The following UPF3A variants were observed in gnomAD, a reference collection of about 807,000 sequenced individuals.
UPF3A encodes the protein UPF3A regulator of nonsense mediated mRNA decay.
Under a neutral mutation model 53.5 loss-of-function variants are expected in UPF3A, and 42 were observed. The ratio of observed to expected loss-of-function variants is 0.78; its 90% CI spans 0.61 to 1.01. The LOEUF (loss-of-function observed/expected upper bound fraction) is 1.01, where lower values mean the gene tolerates loss of function less well. Among genes scored for constraint, UPF3A ranks in the 50% least tolerant of loss-of-function variants. UPF3A has a pLI of 0.00. For missense variants in UPF3A, 575 were observed against 598.0 expected, an observed-to-expected ratio of 0.96 and a Z score of 0.40; for synonymous variants, 237 against 225.3, an observed-to-expected ratio of 1.05 and a Z score of -0.47.
chr13:114,294,192 A>T (rs780749519), intron 7 of UPF3A, among the ~76,000 whole-genome samples: 1 of 152,090 alleles, frequency 6.6e-6, no homozygotes, highest in Admixed American at 6.5e-5. Context: ...TCTGTGGAGA[A>T]ATGCAAAAGA....
intron 7 of UPF3A, among the ~76,000 whole-genome samples, chr13:114,295,055 T>C (rs1440885665): frequency 2.1e-5 from 3 of 144,598 alleles, no homozygotes; most frequent in Non-Finnish European, 4.5e-5. Context: ...GAGCTTGCAG[T>C]GAGCCAAGAT....
chr13:114,300,632 T>C (rs1484001601), intron 8 of UPF3A, among the ~76,000 whole-genome samples: 1 of 152,038 alleles, frequency 6.6e-6, no homozygotes, highest in Non-Finnish European at 1.5e-5. Flanking sequence ...CTCTGCCTCC[T>C]GGGTTCGTGC....
intron 9 of UPF3A, among the ~76,000 whole-genome samples, chr13:114,302,946 A>G (rs994354297): frequency 1.3e-5 from 2 of 152,186 alleles, no homozygotes; most frequent in African/African-American, 4.8e-5. Context: ...TACTAAAAAT[A>G]CAAAAAATAG....
Position 114,282,922 on chromosome 13 carries a change from T to C in UPF3A, c.400T>C (p.Tyr134His), listed in dbSNP as rs764011129. ...ILLFRDRFDG[Y>H]IFLDSKGLEY... ...TCTTTTTAGAGATCGTTTTGATGGA[T>C]ATATCTTCCTTGACAGCAAAGGTTG... is the stretch of plus-strand genomic sequence containing the variant. The change falls in exon 3 of 10, where the codon TAT becomes CAT. Residue 134 changes from tyrosine (Y) to histidine (H), a missense_variant. Transcript: ENST00000375299. The C allele has an allele frequency of 6.2e-6, 10 of 1,609,478 alleles. No individual in the cohort carries two copies. Among genetic ancestry groups the C allele is most frequent in the Non-Finnish European group, 7.6e-6 (9 of 1,176,678 alleles).
At chr13:114,300,357 T>G (rs779228394) in intron 8 of UPF3A, among the ~76,000 whole-genome samples, 4 of 152,094 alleles carry the variant, frequency 2.6e-5, no homozygotes, top group Non-Finnish European at 5.9e-5. Flanking sequence ...TTTATTTTGT[T>G]TTATTATTTT....
In UPF3A at chr13:114,296,030, C is replaced by T. The variant is rs114341759; in HGVS notation, c.847-2810C>T. On this transcript the variant is annotated intron_variant, in intron 7 of 9. Transcript: ENST00000375299. ...GGCAGAGGGCCTAGAGAGAGGTCACCGGTGGCCAGTGACTTAATCAGTCAC... is the reference window on the plus strand; with the variant it reads ...GGCAGAGGGCCTAGAGAGAGGTCACTGGTGGCCAGTGACTTAATCAGTCAC... 9.6e-3 allele frequency among the ~76,000 whole-genome samples: 1,465 copies of T among 152,232 alleles called. 22 individuals are homozygous for T. The highest frequency in any genetic ancestry group is 0.033 in the African/African-American group (1,388 of 41,538).
At chr13:114,281,992 C>G (rs776358815) in intron 1 of UPF3A, 29 bp from the exon 2 acceptor site, 9 of 1,534,188 alleles carry the variant, frequency 5.9e-6, no homozygotes, top group South Asian at 2.4e-5. Context: ...CGCTCCGCCC[C>G]GGTGGGAACG....
intron 7 of UPF3A, among the ~76,000 whole-genome samples, chr13:114,293,724 A>G (rs569337104): frequency 9.2e-5 from 14 of 152,300 alleles, no homozygotes; most frequent in African/African-American, 2.9e-4. Flanking sequence ...CAATATGAGG[A>G]AAAAAATGAA....
intron 7 of UPF3A, among the ~76,000 whole-genome samples, chr13:114,297,897 A>G (rs944803993): frequency 1.3e-5 from 2 of 152,236 alleles, no homozygotes; most frequent in African/African-American, 4.8e-5. Context: ...AGTCCTGGCT[A>G]TTCAGGAGGC....
At chr13:114,298,021 A>G (rs1170380171) in intron 7 of UPF3A, among the ~76,000 whole-genome samples, 1 of 151,438 alleles carries the variant, frequency 6.6e-6, no homozygotes, top group Non-Finnish European at 1.5e-5. Context: ...AAAGGAAATA[A>G]TCACTATTAA....
chr13:114,291,399 T>C (rs1194701744), intron 5 of UPF3A, 90 bp from the exon 6 acceptor site: 21 of 1,234,084 alleles, frequency 1.7e-5, no homozygotes, highest in Non-Finnish European at 2.2e-5. Flanking sequence ...ATGGTTCCCG[T>C]ATTTATTTTA....
At chr13:114,302,523 G>A (rs533843424) in intron 9 of UPF3A, among the ~76,000 whole-genome samples, 9 of 151,976 alleles carry the variant, frequency 5.9e-5, no homozygotes, top group African/African-American at 2.2e-4. Context: ...TTTTCCCAGC[G>A]CAGCACTACA....
chr13:114,300,476 A>G (rs981214798), intron 8 of UPF3A, among the ~76,000 whole-genome samples: 4 of 151,920 alleles, frequency 2.6e-5, no homozygotes, highest in African/African-American at 9.7e-5. Context: ...GGTTTAAGCA[A>G]TTCTGCTTCA....
chr13:114,286,682 G>T, intron 5 of UPF3A, 53 bp downstream of exon 5: 1 of 1,426,060 alleles, frequency 7.0e-7, no homozygotes, highest in East Asian at 2.3e-5. Context: ...TACTCGTAGA[G>T]GATATACGTT....
intron 3 of UPF3A, chr13:114,284,106 G>A: frequency 4.1e-6 from 4 of 983,844 alleles, no homozygotes; most frequent in Non-Finnish European, 4.8e-6. Flanking sequence ...GCTCACACCT[G>A]TAATCCCAGC....
In UPF3A at chr13:114,286,409, T is replaced by G; in HGVS notation, c.520+9T>G. The G allele has an allele frequency of 6.2e-7, 1 of 1,613,844 alleles. No homozygotes were observed. On this transcript the variant is annotated intron_variant, in intron 4 of 9. Coordinates refer to ENST00000375299, the MANE Select transcript of UPF3A (RefSeq NM_023011.4). ...TGGAAGCATCGAAGATGGTGAGCCCTTTCCAAGTGCTACGTTATGAAGCTG... is the reference window on the plus strand; with the variant it reads ...TGGAAGCATCGAAGATGGTGAGCCCGTTCCAAGTGCTACGTTATGAAGCTG...
chr13:114,286,097 G>C lies in UPF3A; in HGVS notation c.422-205G>C, dbSNP rs552268340. On this transcript the variant is annotated intron_variant, in intron 3 of 9. Transcript: ENST00000375299. Reference sequence around the variant, plus strand: ...TTAAGTCTGGAGTTTGCCGTGTTAAGGTTGCAGGTGCTTGAAAGTGTAATA... The same window carrying C: ...TTAAGTCTGGAGTTTGCCGTGTTAACGTTGCAGGTGCTTGAAAGTGTAATA... 555 of 596,388 alleles carry C rather than the reference G, an allele frequency of 9.3e-4. 1 individual carries two copies. The highest frequency in any genetic ancestry group is 1.4e-3 in the Non-Finnish European group (489 of 361,456). 36.9% of individuals were successfully genotyped at this position (596,388 alleles called of 1,614,324 possible).
chr13:114,287,256 C>T (rs2139181115), intron 5 of UPF3A: 1 of 152,750 alleles, frequency 6.5e-6, no homozygotes, highest in African/African-American at 2.4e-5. Context: ...TTTCTCTTCT[C>T]TGTGGATCTC....
At chr13:114,282,565 C>G in intron 2 of UPF3A, 5 of 985,470 alleles carry the variant, frequency 5.1e-6, no homozygotes, top group Non-Finnish European at 6.0e-6. Flanking sequence ...CCACGGGTTC[C>G]TCTGGGAGTG....
Sources: gnomAD v4.1 joint callset for allele counts (sites outside exome capture counted in the v4.1 genomes callset) on GRCh38, gnomAD v4.1.1 for gene constraint, MANE v1.5 for transcripts, NCBI Gene and HGNC (gene_info 2026-07-23, HGNC 2026-07-21) for gene names.